PPARGC1A: variants seen among roughly 807,000 people sequenced by gnomAD.
The protein encoded by PPARGC1A is peroxisome proliferator-activated receptor gamma coactivator 1-alpha.
PPARGC1A carries 25 observed loss-of-function variants against 88.7 expected under a neutral mutation model. That is an observed-to-expected ratio of 0.28 (90% CI 0.21 to 0.39). PPARGC1A has a LOEUF of 0.39. Among genes scored for constraint, PPARGC1A ranks in the 10% least tolerant of loss-of-function variants. The pLI is 1.00. For missense variants in PPARGC1A, 880 were observed against 968.7 expected (o/e 0.91, Z 1.22); for synonymous variants, 363 against 355.6 (o/e 1.02, Z -0.24).
chr4:24,006,215 A>G, the PPARGC1A span, among the ~76,000 whole-genome samples: 1 of 151,990 alleles, frequency 6.6e-6, no homozygotes, highest in African/African-American at 2.4e-5. Context: ...TGCCTGGCTA[A>G]TTTTTGTATT....
chr4:23,859,510 G>A (rs753561996), intron 2 of PPARGC1A, among the ~76,000 whole-genome samples: 7 of 152,234 alleles, frequency 4.6e-5, no homozygotes, highest in East Asian at 1.9e-4. Flanking sequence ...GTAACACCAC[G>A]GTGGCTCACG....
chr4:23,983,710 G>A, the PPARGC1A span, among the ~76,000 whole-genome samples: 69 of 152,150 alleles, frequency 4.5e-4, no homozygotes, highest in Admixed American at 1.2e-3. Flanking sequence ...GTAGGTAGGA[G>A]ACAGAGGAAG....
At chr4:24,401,011 T>G in the PPARGC1A span, among the ~76,000 whole-genome samples, 1 of 91,070 alleles carries the variant, frequency 1.1e-5, no homozygotes, top group African/African-American at 4.3e-5. Flanking sequence ...TATACCTGAA[T>G]TTTCTTTTTT....
intron 2 of PPARGC1A, among the ~76,000 whole-genome samples, chr4:23,848,959 C>T (rs1363909599): frequency 1.3e-5 from 2 of 152,068 alleles, no homozygotes; most frequent in African/African-American, 2.4e-5. Flanking sequence ...CTGGCTAACA[C>T]GGTGAAACCC....
chr4:23,857,484 A>C (rs1247930263), intron 2 of PPARGC1A, among the ~76,000 whole-genome samples: 1 of 151,704 alleles, frequency 6.6e-6, no homozygotes, highest in African/African-American at 2.4e-5. Flanking sequence ...CATAAGCACT[A>C]GTTTCAATTC....
chr4:24,456,402 G>A, the PPARGC1A span, among the ~76,000 whole-genome samples: 3 of 152,164 alleles, frequency 2.0e-5, no homozygotes, highest in Non-Finnish European at 2.9e-5. Flanking sequence ...AGGGGAGTTG[G>A]GGACAGTGGG....
At chr4:23,997,849 A>G in the PPARGC1A span, among the ~76,000 whole-genome samples, 1 of 152,164 alleles carries the variant, frequency 6.6e-6, no homozygotes, top group Non-Finnish European at 1.5e-5. Flanking sequence ...CAAGAAGAGT[A>G]TTTTGAGTTA....
At chr4:23,796,119 C>T (rs1457183676) in intron 12 of PPARGC1A, among the ~76,000 whole-genome samples, 194 bp from the exon 13 acceptor site, 1 of 151,984 alleles carries the variant, frequency 6.6e-6, no homozygotes, top group African/African-American at 2.4e-5. Flanking sequence ...CAAAAACACG[C>T]ACCTGTTGAC....
chr4:23,913,726 G>A, the PPARGC1A span, among the ~76,000 whole-genome samples: 2 of 152,130 alleles, frequency 1.3e-5, no homozygotes, highest in Non-Finnish European at 2.9e-5. Flanking sequence ...GGATCATAGA[G>A]TTCTATAGTT....
intron 2 of PPARGC1A, among the ~76,000 whole-genome samples, chr4:23,869,256 G>A (rs1712739008): frequency 6.6e-6 from 1 of 152,192 alleles, no homozygotes; most frequent in Non-Finnish European, 1.5e-5. Context: ...AATTACTCCT[G>A]AAAGAGACAT....
At chr4:23,928,753 C>CAA in the PPARGC1A span, among the ~76,000 whole-genome samples, 1 of 9,236 alleles carries the variant, frequency 1.1e-4, no homozygotes, top group East Asian at 3.1e-3. Context: ...TATCCAGCCA[C>CAA]AAAAAAACAA....
At chr4:24,415,262 GGGGTCATCGATAGTTGTGGAGCTA>G in the PPARGC1A span, among the ~76,000 whole-genome samples, 1 of 151,884 alleles carries the variant, frequency 6.6e-6, no homozygotes, top group Non-Finnish European at 1.5e-5. Flanking sequence ...AAGAGGAGCT[GGGGTCATCGATAGTTGTGGAGCTA>G]GGGACTATCT....
chr4:24,388,099 G>T, the PPARGC1A span, among the ~76,000 whole-genome samples: 1 of 151,220 alleles, frequency 6.6e-6, no homozygotes, highest in Admixed American at 6.6e-5. Flanking sequence ...ATCTGACAAA[G>T]GGATAATATC....
chr4:24,262,935 C>T, the PPARGC1A span, among the ~76,000 whole-genome samples: 1 of 152,178 alleles, frequency 6.6e-6, no homozygotes, highest in African/African-American at 2.4e-5. Context: ...CGGCTCCATG[C>T]ACATTAACAC....
At chr4:24,012,696 T>G in the PPARGC1A span, among the ~76,000 whole-genome samples, 5 of 152,150 alleles carry the variant, frequency 3.3e-5, no homozygotes, top group Non-Finnish European at 7.4e-5. Flanking sequence ...TTAGGAAATC[T>G]TTACTCATTC....
the PPARGC1A span, among the ~76,000 whole-genome samples, chr4:24,318,273 G>A: frequency 2.6e-5 from 4 of 152,124 alleles, no homozygotes; most frequent in Middle Eastern, 3.2e-3. Context: ...CTGTTTCTCC[G>A]GGCCTCAATT....
At chr4:24,200,655 C>CAAAAAAAAAAAAAAAAAA in the PPARGC1A span, among the ~76,000 whole-genome samples, 2 of 88,356 alleles carry the variant, frequency 2.3e-5, no homozygotes, top group Non-Finnish European at 4.4e-5. Context: ...ATTTATTAAG[C>CAAAAAAAAAAAAAAAAAA]AAAAAAAAAA....
At chr4:24,437,813 G>C in the PPARGC1A span, among the ~76,000 whole-genome samples, 1 of 149,776 alleles carries the variant, frequency 6.7e-6, no homozygotes, top group Non-Finnish European at 1.5e-5. Context: ...CTAATTCTTT[G>C]TTTCTAGTTT....
chr4:24,114,050 G>C, the PPARGC1A span, among the ~76,000 whole-genome samples: 1 of 151,050 alleles, frequency 6.6e-6, no homozygotes, highest in Non-Finnish European at 1.5e-5. Flanking sequence ...CTTGAACCCA[G>C]GAGGTGGAGA....
Sources: gnomAD v4.1 joint callset for allele counts (sites outside exome capture counted in the v4.1 genomes callset) on GRCh38, gnomAD v4.1.1 for gene constraint, MANE v1.5 for transcripts, NCBI Gene and HGNC (gene_info 2026-07-23, HGNC 2026-07-21) for gene names.